The following ITGA11 variants were observed in gnomAD, a reference collection of about 807,000 sequenced individuals.
ITGA11 encodes integrin alpha-11.
In ITGA11, 97 loss-of-function variants were observed where a neutral mutation model predicts 141.9. That is an observed-to-expected ratio of 0.68 (90% CI 0.58 to 0.81). The LOEUF is 0.81. Ranked by LOEUF, ITGA11 falls within the 30% of genes least tolerant of loss-of-function variation. The pLI is 0.00. For synonymous variants in ITGA11, 658 were observed against 624.6 expected (o/e 1.05, Z -0.80); for missense variants, 1,387 against 1,559.2 (o/e 0.89, Z 1.86).
intron 2 of ITGA11, among the ~76,000 whole-genome samples, chr15:68,381,708 G>A (rs1895866012): frequency 6.6e-6 from 1 of 152,094 alleles, no homozygotes; most frequent in Non-Finnish European, 1.5e-5. Flanking sequence ...GGCGCTCACT[G>A]CCATGCCCAA....
Position 68,307,617 on chromosome 15 carries a change from A to C in ITGA11, c.3254T>G (p.Leu1085Arg), listed in dbSNP as rs1359622352. The C allele has an allele frequency of 1.9e-6, 3 of 1,613,484 alleles. No individual in the cohort carries two copies. In the African/African-American group the frequency reaches 4.0e-5, roughly 22 times the overall value. ...VPNQEINFHL[L>R]GNLWLRSLKA... ...TAGGGACCTCAACCACAGGTTCCCCAGTAGATGGAAATTGATTTCCTGGTT... is the reference window on the plus strand; with the variant it reads ...TAGGGACCTCAACCACAGGTTCCCCCGTAGATGGAAATTGATTTCCTGGTT... The change falls in exon 27 of 30, where the codon CTG (leucine) becomes CGG (arginine). Residue 1085 changes from leucine (L) to arginine (R), a missense_variant. Transcript: ENST00000315757. The surrounding 1 kb of genome is among the most constrained non-coding windows in gnomAD (Gnocchi z 6.1).
At chr15:68,373,600 G>T (rs1299918066) in intron 2 of ITGA11, among the ~76,000 whole-genome samples, 7 of 152,170 alleles carry the variant, frequency 4.6e-5, no homozygotes, top group Non-Finnish European at 1.0e-4. Flanking sequence ...ATTCCCAGTT[G>T]CAGGGATGGA....
chr15:68,363,439 G>T (rs1895315968), intron 4 of ITGA11, among the ~76,000 whole-genome samples: 1 of 152,140 alleles, frequency 6.6e-6, no homozygotes, highest in African/African-American at 2.4e-5. Context: ...CTAATAAAGG[G>T]CTGTGGGCTG....
intron 1 of ITGA11, among the ~76,000 whole-genome samples, chr15:68,431,510 T>A (rs1348418786): frequency 1.1e-4 from 17 of 152,074 alleles, no homozygotes; most frequent in African/African-American, 1.9e-4. Flanking sequence ...TGCGCAGCCC[T>A]CACCCCCACC....
intron 1 of ITGA11, among the ~76,000 whole-genome samples, chr15:68,423,232 C>T (rs990126688): frequency 5.9e-5 from 9 of 152,118 alleles, no homozygotes; most frequent in Non-Finnish European, 1.2e-4. Flanking sequence ...GGGAGATGTC[C>T]AGGCAACTGG....
In ITGA11 at chr15:68,311,389, G is replaced by C. The variant is rs933058118; in HGVS notation, c.2988C>G (p.Gly996=). 4.9e-5 allele frequency: 77 copies of C among 1,563,626 alleles called. No homozygotes were observed. The highest frequency in any genetic ancestry group is 6.6e-5 in the Non-Finnish European group (76 of 1,152,804). The change falls in exon 25 of 30, where the codon GGC becomes GGG. Residue 996 remains glycine (G), a synonymous_variant. Transcript: ENST00000315757. ...FSCIFRIQNL[G]LFPIHGMMMK... is the part of the protein sequence containing the mutation. ...TCATCATCCCGTGGATGGGGAACAA[G>C]CCCAAGTTCTGGATCTGTGGCCAGA... is the stretch of plus-strand genomic sequence containing the variant.
At chr15:68,374,410 C>A (rs1024335239) in intron 2 of ITGA11, among the ~76,000 whole-genome samples, 1 of 152,182 alleles carries the variant, frequency 6.6e-6, no homozygotes, top group African/African-American at 2.4e-5. Context: ...CATGCAGGTT[C>A]CTTGGGCCAG....
chr15:68,366,464 G>A (rs1442476216), intron 3 of ITGA11, among the ~76,000 whole-genome samples: 2 of 152,114 alleles, frequency 1.3e-5, no homozygotes, highest in East Asian at 1.9e-4. Context: ...CTAGAGGGGC[G>A]GCTCCATGCT....
At chr15:68,430,683 C>T (rs970014680) in intron 1 of ITGA11, among the ~76,000 whole-genome samples, 1 of 152,244 alleles carries the variant, frequency 6.6e-6, no homozygotes, top group Non-Finnish European at 1.5e-5. Context: ...TGGCCTCCTC[C>T]CGCAGCTGGC....
intron 2 of ITGA11, among the ~76,000 whole-genome samples, chr15:68,392,084 G>C (rs1214571013): frequency 1.3e-5 from 2 of 152,184 alleles, no homozygotes; most frequent in Non-Finnish European, 2.9e-5. Context: ...CAGGAAGTAA[G>C]ATAATGATAC....
intron 2 of ITGA11, among the ~76,000 whole-genome samples, chr15:68,381,563 T>C (rs1895862051): frequency 6.6e-6 from 1 of 152,058 alleles, no homozygotes; most frequent in African/African-American, 2.4e-5. Flanking sequence ...ATTCCAATTT[T>C]TTTTTTTTTT....
At chr15:68,371,687 C>T (rs759092921) in intron 2 of ITGA11, among the ~76,000 whole-genome samples, 16 of 151,792 alleles carry the variant, frequency 1.1e-4, no homozygotes, top group South Asian at 4.2e-4. Context: ...CACTGTACTC[C>T]GGCCTGGGTG....
intron 10 of ITGA11, 137 bp from the exon 11 acceptor site, chr15:68,339,781 T>C: frequency 1.1e-6 from 1 of 914,364 alleles, no homozygotes; most frequent in South Asian, 1.7e-5. Flanking sequence ...TTTAGCAACC[T>C]AACTTCTGGC....
chr15:68,413,378 C>A (rs1896820918), intron 1 of ITGA11, among the ~76,000 whole-genome samples: 1 of 152,140 alleles, frequency 6.6e-6, no homozygotes, highest in Non-Finnish European at 1.5e-5. Context: ...GTTCAATAAA[C>A]CTCTATTTGG....
intron 1 of ITGA11, among the ~76,000 whole-genome samples, chr15:68,411,583 C>T (rs1041934709): frequency 6.6e-6 from 1 of 152,164 alleles, no homozygotes; most frequent in Non-Finnish European, 1.5e-5. Flanking sequence ...CACAGCGATC[C>T]CGTAACTTGT....
intron 1 of ITGA11, among the ~76,000 whole-genome samples, chr15:68,408,653 G>T (rs1896701525): frequency 6.6e-6 from 1 of 152,164 alleles, no homozygotes; most frequent in African/African-American, 2.4e-5. Context: ...TGTGATTCTG[G>T]CCTTGAAGGG....
chr15:68,403,292 C>G (rs546581395), intron 1 of ITGA11, among the ~76,000 whole-genome samples: 1 of 152,280 alleles, frequency 6.6e-6, no homozygotes, highest in African/African-American at 2.4e-5. Context: ...CCTTCCAAAT[C>G]TGACGTTGAA....
chr15:68,388,587 T>C (rs768188016), intron 2 of ITGA11, among the ~76,000 whole-genome samples: 1 of 152,214 alleles, frequency 6.6e-6, no homozygotes, highest in East Asian at 1.9e-4. Flanking sequence ...CTATTCACCA[T>C]TGAGTTTCCA....
chr15:68,383,616 G>A (rs747321412), intron 2 of ITGA11, among the ~76,000 whole-genome samples: 3 of 152,206 alleles, frequency 2.0e-5, no homozygotes, highest in Non-Finnish European at 4.4e-5. Context: ...GGGCTATCTT[G>A]CACCCCCTAG....
Sources: allele counts gnomAD v4.1 joint callset (sites outside exome capture counted in the v4.1 genomes callset), GRCh38; gene constraint gnomAD v4.1.1; non-coding constraint Gnocchi (gnomAD v3.1); transcripts MANE v1.5; gene names NCBI Gene and HGNC (gene_info 2026-07-23, HGNC 2026-07-21).